The following POU2F2 variants were observed in gnomAD, a reference collection of about 807,000 sequenced individuals.
POU2F2 encodes POU domain, class 2, transcription factor 2.
POU2F2 carries 14 observed loss-of-function variants against 63.5 expected under a neutral mutation model. The observed-to-expected ratio is 0.22, with a 90% CI of 0.15 to 0.34. The LOEUF (loss-of-function observed/expected upper bound fraction) is 0.34, where lower values mean the gene tolerates loss of function less well. Ranked by LOEUF, POU2F2 falls within the 10% of genes least tolerant of loss-of-function variation. The pLI is 1.00. For synonymous variants in POU2F2, 306 were observed against 348.6 expected, an observed-to-expected ratio of 0.88 and a Z score of 1.36; for missense variants, 607 against 815.2, an observed-to-expected ratio of 0.74 and a Z score of 3.11.
At chr19:42,093,111 A>G (rs1431805580) in intron 12 of POU2F2, among the ~76,000 whole-genome samples, 1 of 148,212 alleles carries the variant, frequency 6.7e-6, no homozygotes, top group African/African-American at 2.5e-5. Context: ...CCCGGATTCA[A>G]GTGATTCTCC....
intron 5 of POU2F2, among the ~76,000 whole-genome samples, chr19:42,113,227 C>T (rs759566473): frequency 2.6e-5 from 4 of 152,168 alleles, no homozygotes; most frequent in African/African-American, 9.7e-5. Context: ...TAACTGTTAA[C>T]GTAAGTTTTC....
At chr19:42,187,872 G>A (rs2035030436) in intron 1 of POU2F2, among the ~76,000 whole-genome samples, 1 of 151,950 alleles carries the variant, frequency 6.6e-6, no homozygotes, top group Non-Finnish European at 1.5e-5. Flanking sequence ...TCATTATGGA[G>A]GCTGTGGTAG....
At chr19:42,182,416 G>A (rs951220666) in intron 1 of POU2F2, among the ~76,000 whole-genome samples, 10 of 152,016 alleles carry the variant, frequency 6.6e-5, no homozygotes, top group Non-Finnish European at 1.2e-4. Context: ...AGGAAGCTAG[G>A]AGGAGGAAGG....
intron 1 of POU2F2, among the ~76,000 whole-genome samples, chr19:42,187,766 A>G (rs1568428409): frequency 1.3e-5 from 2 of 151,314 alleles, no homozygotes; most frequent in Admixed American, 6.6e-5. Flanking sequence ...CATCACAAAA[A>G]AAAAAAAAAA....
At chr19:42,119,719 A>G (rs995074922) in intron 4 of POU2F2, among the ~76,000 whole-genome samples, 2 of 152,094 alleles carry the variant, frequency 1.3e-5, no homozygotes, top group African/African-American at 4.8e-5. Flanking sequence ...AGCCGAGATC[A>G]TGCCATTGCA....
chr19:42,161,771 C>T (rs1287853246), intron 1 of POU2F2, among the ~76,000 whole-genome samples: 1 of 152,134 alleles, frequency 6.6e-6, no homozygotes, highest in Non-Finnish European at 1.5e-5. Flanking sequence ...AGAAGGGGAC[C>T]AGAACCCCTG....
Position 42,087,156 on chromosome 19 carries a change from A to G in POU2F2, c.*4101T>C, listed in dbSNP as rs2076576465. ...TCTGTGGGTTTTTTTTTTTTTTTAA[A>G]TGGTTAAATCTTTGGTTTGTTTCTT... On this transcript the variant is annotated 3_prime_UTR_variant, in exon 15 of 15. Transcript: ENST00000692977. 1 of 145,206 alleles carries G rather than the reference A, an allele frequency of 6.9e-6. No individual in the cohort carries two copies. Among genetic ancestry groups the G allele is most frequent in the South Asian group, 2.2e-4 (1 of 4,642 alleles). 9.0% of individuals were successfully genotyped at this position (145,206 alleles called of 1,614,324 possible). A position where few individuals can be genotyped will look rare whatever the true frequency, so the allele number is the denominator to read the frequency against.
Position 42,122,557 on chromosome 19 carries a change from G to A in POU2F2, c.48C>T (p.Pro16=), listed in dbSNP as rs767124027. 6.3e-7 allele frequency: 1 copy of A among 1,594,830 alleles called. No homozygotes were observed. Among genetic ancestry groups the A allele is most frequent in the Non-Finnish European group, 8.5e-7 (1 of 1,171,240 alleles). The change falls in exon 2 of 15, where the codon CCC becomes CCT. Residue 16 remains proline (P), a synonymous_variant. Transcript: ENST00000692977. ...MGAPEIRMSK[P]LEAEKQGLDS... Reference sequence around the variant, plus strand: ...CCAGACCTTGCTTCTCGGCCTCCAGGGGCTTAGACATTCTTATTTCTGGGG... The same window carrying A: ...CCAGACCTTGCTTCTCGGCCTCCAGAGGCTTAGACATTCTTATTTCTGGGG...
At chr19:42,188,805 GAGAA>G (rs928048142) in intron 1 of POU2F2, among the ~76,000 whole-genome samples, 14 of 146,096 alleles carry the variant, frequency 9.6e-5, no homozygotes, top group South Asian at 2.2e-4. Flanking sequence ...GGGAAAGAAA[GAGAA>G]AGAAAGAAAA....
intron 2 of POU2F2, among the ~76,000 whole-genome samples, chr19:42,141,399 TTCTC>T (rs1329284005): frequency 1.3e-5 from 2 of 152,162 alleles, no homozygotes; most frequent in Non-Finnish European, 2.9e-5. Context: ...GGCAGGTGAC[TTCTC>T]TCTCTAAGCC....
chr19:42,093,728 G>A (rs745762850), intron 12 of POU2F2, 101 bp downstream of exon 12: 7 of 1,243,812 alleles, frequency 5.6e-6, no homozygotes, highest in Non-Finnish European at 8.0e-6. Flanking sequence ...CCCAGGCCCA[G>A]TCTTGAGGCC....
At chr19:42,167,150 G>A (rs2034668715) in intron 1 of POU2F2, among the ~76,000 whole-genome samples, 1 of 152,128 alleles carries the variant, frequency 6.6e-6, no homozygotes, top group Non-Finnish European at 1.5e-5. Context: ...CAGGGAGAAA[G>A]TGGCTTACAA....
At chr19:42,120,747 A>G (rs1185450629) in intron 4 of POU2F2, among the ~76,000 whole-genome samples, 1 of 152,228 alleles carries the variant, frequency 6.6e-6, no homozygotes, top group Non-Finnish European at 1.5e-5. Flanking sequence ...TAATTGTTGA[A>G]GCTGATTGAT....
intron 5 of POU2F2, chr19:42,116,934 G>A (rs888969381): frequency 3.6e-5 from 20 of 558,728 alleles, no homozygotes; most frequent in African/African-American, 5.6e-5. Flanking sequence ...ACTGCTGCAC[G>A]GCGGCGGCCA....
upstream of POU2F2, among the ~76,000 whole-genome samples, chr19:42,180,892 C>T (rs2034952831): frequency 6.8e-6 from 1 of 147,984 alleles, no homozygotes; most frequent in Non-Finnish European, 1.5e-5. Context: ...CCACACCCAT[C>T]TATTTTTTTT....
rs112766561 is a variant in POU2F2, at chr19:42,131,950, A to T, written c.28+434T>A. ...GCACTCAGAACTACTGCACACACAC[A>T]TGCACACGCACACCTGTACCAGATG... On this transcript the variant is annotated intron_variant, in intron 1 of 14. Transcript: ENST00000692977. 1.6e-3 allele frequency among the ~76,000 whole-genome samples: 239 copies of T among 152,188 alleles called. 3 individuals carry two copies. Among genetic ancestry groups the T allele is most frequent in the African/African-American group, 5.4e-3 (226 of 41,504 alleles).
intron 1 of POU2F2, among the ~76,000 whole-genome samples, chr19:42,168,202 T>G (rs1405089940): frequency 6.6e-6 from 1 of 152,172 alleles, no homozygotes; most frequent in Non-Finnish European, 1.5e-5. Flanking sequence ...TTGTGACTGG[T>G]GGCCTGCTCA....
intron 1 of POU2F2, among the ~76,000 whole-genome samples, chr19:42,190,753 T>C (rs1409152356): frequency 6.6e-6 from 1 of 152,088 alleles, no homozygotes; most frequent in East Asian, 1.9e-4. Flanking sequence ...AATGAGCCTA[T>C]GGATGAGATA....
chr19:42,151,209 T>A (rs1599672689), intron 2 of POU2F2, among the ~76,000 whole-genome samples: 1 of 148,664 alleles, frequency 6.7e-6, no homozygotes, highest in Admixed American at 6.8e-5. Flanking sequence ...CTCTTTCCCC[T>A]CCCCCTTCCT....
Sources: allele counts gnomAD v4.1 joint callset (sites outside exome capture counted in the v4.1 genomes callset), GRCh38; gene constraint gnomAD v4.1.1; transcripts MANE v1.5; gene names NCBI Gene and HGNC (gene_info 2026-07-23, HGNC 2026-07-21).